The following SLC35D4 variants were observed in gnomAD, a reference collection of about 807,000 sequenced individuals.
SLC35D4 encodes the protein solute carrier family 35 member D4, also known as UDP-N-acetylglucosamine transporter SLC35D4.
the SLC35D4 span, among the ~76,000 whole-genome samples, chr18:23,344,083 T>C: frequency 1.3e-5 from 2 of 151,984 alleles, no homozygotes; most frequent in Non-Finnish European, 1.5e-5. Flanking sequence ...ATTTTCACCA[T>C]GTTGGTCAGG....
the SLC35D4 span, among the ~76,000 whole-genome samples, chr18:23,326,635 C>T: frequency 6.6e-6 from 1 of 152,134 alleles, no homozygotes; most frequent in Non-Finnish European, 1.5e-5. Context: ...CAATATTAAA[C>T]AGATCAACAA....
At chr18:23,373,717 AGTCAT>A in the SLC35D4 span, 1 of 1,613,768 alleles carries the variant, frequency 6.2e-7, no homozygotes, top group Non-Finnish European at 8.5e-7. Context: ...CTTACCTGGG[AGTCAT>A]TGAAGGGAAG....
the SLC35D4 span, among the ~76,000 whole-genome samples, chr18:23,364,328 AC>A: frequency 6.6e-6 from 1 of 152,180 alleles, no homozygotes; most frequent in African/African-American, 2.4e-5. Context: ...TTAAAAAAAA[AC>A]AAAAACAAAA....
the SLC35D4 span, among the ~76,000 whole-genome samples, chr18:23,366,931 C>T: frequency 8.5e-5 from 13 of 152,218 alleles, no homozygotes; most frequent in Non-Finnish European, 1.9e-4. Context: ...GAAGACTTCA[C>T]AATGATCAGC....
chr18:23,246,265 C>CAA, the SLC35D4 span, among the ~76,000 whole-genome samples: 36,905 of 140,442 alleles, frequency 0.26, 5,438 homozygotes, highest in Non-Finnish European at 0.36. Context: ...GACTCCATCT[C>CAA]AAAAAAAAAA....
At chr18:23,241,846 C>G in the SLC35D4 span, among the ~76,000 whole-genome samples, 3 of 152,294 alleles carry the variant, frequency 2.0e-5, no homozygotes, top group Admixed American at 6.5e-5. Context: ...AGAGGTGAAG[C>G]CTGTCATTTA....
the SLC35D4 span, chr18:23,296,941 AAT>A: frequency 2.6e-5 from 4 of 152,180 alleles, no homozygotes; most frequent in African/African-American, 9.7e-5. Flanking sequence ...GCAGGAAATA[AAT>A]AGTAACACCA....
chr18:23,358,722 C>G, the SLC35D4 span, among the ~76,000 whole-genome samples: 1 of 152,162 alleles, frequency 6.6e-6, no homozygotes, highest in Non-Finnish European at 1.5e-5. Context: ...ACCCAGCACA[C>G]AGCAAGCACT....
At chr18:23,325,113 T>G in the SLC35D4 span, among the ~76,000 whole-genome samples, 1 of 152,218 alleles carries the variant, frequency 6.6e-6, no homozygotes, top group South Asian at 2.1e-4. Flanking sequence ...GCTCCCTGGC[T>G]GGGTCACAAA....
At chr18:23,408,348 C>A in the SLC35D4 span, among the ~76,000 whole-genome samples, 1 of 152,188 alleles carries the variant, frequency 6.6e-6, no homozygotes, top group Non-Finnish European at 1.5e-5. Context: ...AAGAACAATG[C>A]CTGGCATATA....
the SLC35D4 span, among the ~76,000 whole-genome samples, chr18:23,337,407 G>A: frequency 6.6e-6 from 1 of 151,654 alleles, no homozygotes; most frequent in South Asian, 2.1e-4. Flanking sequence ...CCCAGGAGGC[G>A]GAACTTGCAG....
At chr18:23,411,100 G>C in the SLC35D4 span, among the ~76,000 whole-genome samples, 1 of 151,422 alleles carries the variant, frequency 6.6e-6, no homozygotes, top group Non-Finnish European at 1.5e-5. Context: ...TCTGTGGTGT[G>C]CGGGCCTCTA....
the SLC35D4 span, among the ~76,000 whole-genome samples, chr18:23,282,420 G>A: frequency 6.6e-6 from 1 of 152,216 alleles, no homozygotes; most frequent in Non-Finnish European, 1.5e-5. Flanking sequence ...CTGACAGCAG[G>A]AGCAAAGATT....
chr18:23,407,329 T>A, the SLC35D4 span, among the ~76,000 whole-genome samples: 1 of 152,084 alleles, frequency 6.6e-6, no homozygotes, highest in Non-Finnish European at 1.5e-5. Flanking sequence ...TATACATCAC[T>A]ACAAGGACAG....
the SLC35D4 span, among the ~76,000 whole-genome samples, chr18:23,353,713 C>A: frequency 6.6e-6 from 1 of 152,154 alleles, no homozygotes; most frequent in Non-Finnish European, 1.5e-5. Context: ...TTACTCACAC[C>A]CAAAAGGCAA....
At chr18:23,260,374 A>AC in the SLC35D4 span, 1 of 152,114 alleles carries the variant, frequency 6.6e-6, no homozygotes, top group African/African-American at 2.4e-5. Flanking sequence ...CACGTGCCCT[A>AC]CCTTAGTGAC....
the SLC35D4 span, among the ~76,000 whole-genome samples, chr18:23,363,073 C>A: frequency 5.3e-5 from 8 of 151,500 alleles, no homozygotes; most frequent in African/African-American, 1.9e-4. Context: ...GGTGAAACTC[C>A]GTCTCTACTA....
chr18:23,274,265 T>G, the SLC35D4 span, among the ~76,000 whole-genome samples: 1 of 152,198 alleles, frequency 6.6e-6, no homozygotes, highest in South Asian at 2.1e-4. Flanking sequence ...ATGGGAGAGC[T>G]GAGGCTCAAT....
the SLC35D4 span, among the ~76,000 whole-genome samples, chr18:23,345,481 C>CA: frequency 0.075 from 4,286 of 57,036 alleles, 723 homozygotes; most frequent in East Asian, 0.22. Flanking sequence ...GACTCCATCT[C>CA]AAAAAAAAAA....
Sources: allele counts gnomAD v4.1 joint callset (sites outside exome capture counted in the v4.1 genomes callset), GRCh38; gene constraint gnomAD v4.1.1; transcripts MANE v1.5; gene names NCBI Gene and HGNC (gene_info 2026-07-23, HGNC 2026-07-21).